Variants in HIRA observed in about 807,000 individuals in gnomAD.
The protein encoded by HIRA is protein HIRA.
A neutral mutation model predicts 126.6 loss-of-function variants in HIRA; 13 were observed. The ratio of observed to expected loss-of-function variants is 0.10; its 90% confidence interval spans 0.07 to 0.16. The LOEUF (loss-of-function observed/expected upper bound fraction) is 0.16. Among genes scored for constraint, HIRA ranks in the 10% least tolerant of loss-of-function variants. The pLI is 1.00. For synonymous variants in HIRA, 511 were observed against 520.0 expected (o/e 0.98, Z 0.24); for missense variants, 834 against 1,314.4 (o/e 0.63, Z 5.65).
chr22:19,371,874 T>G (rs1165217060), intron 15 of HIRA, among the ~76,000 whole-genome samples: 1 of 152,280 alleles, frequency 6.6e-6, no homozygotes, highest in Non-Finnish European at 1.5e-5. Context: ...CATCACCTGA[T>G]GGACTTTTGG....
chr22:19,393,736 C>T (rs565742895), intron 8 of HIRA, among the ~76,000 whole-genome samples: 1 of 152,294 alleles, frequency 6.6e-6, no homozygotes, highest in South Asian at 2.1e-4. Context: ...CTTTTATCAA[C>T]CTTAGTCCAC....
intron 4 of HIRA, 113 bp from the exon 5 acceptor site, chr22:19,405,993 A>C: frequency 1.8e-6 from 1 of 552,636 alleles, no homozygotes; most frequent in Non-Finnish European, 2.9e-6. Context: ...AACAAACAAG[A>C]ACTGGAAAGC....
chr22:19,420,440 T>C (rs1277769929), intron 1 of HIRA, among the ~76,000 whole-genome samples: 2 of 92,664 alleles, frequency 2.2e-5, no homozygotes, highest in African/African-American at 1.5e-4. Context: ...CACTGCAGCC[T>C]GGGCAACAAA....
chr22:19,398,356 CCTG>C (rs1169791681), intron 5 of HIRA, among the ~76,000 whole-genome samples: 1 of 152,244 alleles, frequency 6.6e-6, no homozygotes, highest in Non-Finnish European at 1.5e-5. Flanking sequence ...TGCATGAGAG[CCTG>C]CTACTTCGTG....
chr22:19,357,142 G>T, intron 18 of HIRA, 91 bp from the exon 19 acceptor site: 1 of 1,464,212 alleles, frequency 6.8e-7, no homozygotes. Flanking sequence ...CCTCTGCCTG[G>T]GCCCAACAAG....
At chr22:19,361,612 C>T (rs1213852595) in intron 16 of HIRA, 115 bp downstream of exon 16, 1 of 1,028,888 alleles carries the variant, frequency 9.7e-7, no homozygotes, top group Non-Finnish European at 1.5e-6. Context: ...CATGTCTAAG[C>T]CAGCTGGTTC....
intron 2 of HIRA, among the ~76,000 whole-genome samples, 184 bp from the exon 3 acceptor site, chr22:19,408,777 G>T (rs2089327401): frequency 6.6e-6 from 1 of 152,166 alleles, no homozygotes; most frequent in South Asian, 2.1e-4. Flanking sequence ...GTACTCATGG[G>T]GACGAAACGG....
intron 4 of HIRA, among the ~76,000 whole-genome samples, chr22:19,406,127 A>G (rs745335784): frequency 1.3e-5 from 2 of 152,240 alleles, no homozygotes; most frequent in Non-Finnish European, 2.9e-5. Flanking sequence ...GAAGCAGGCC[A>G]CAGGACATCA....
rs768640788 is a variant in HIRA at position 19,422,998 on chromosome 22, C to T, written c.37+8442G>A. On this transcript the variant is annotated intron_variant, in intron 1 of 24. Coordinates refer to ENST00000263208, the MANE Select transcript of HIRA (RefSeq NM_003325.4). ...ACAGAACTCCCAGCAGGGCTGGCTG[C>T]GGCTTTCTCTGTGCTTACATCATAG... Among the ~76,000 whole-genome samples the T allele has an allele frequency of 3.9e-5, 6 of 152,154 alleles. No homozygotes were observed. The East Asian group carries it at 5.8e-4, about 15-fold the overall frequency.
At position 19,375,682 on chromosome 22, in the gene HIRA, G is replaced by A; in HGVS notation, c.1724C>T (p.Ala575Val). The stretch of plus-strand genomic sequence containing the variant: ...GGTCAGGGCAGGAGCACCTGGTGTG[G>A]CTTTGGACCGCTCTGTGAACCGGGA... ...FDSRFTERSK[A>V]TPGAPALTSM... Residue 575 changes from alanine to valine, a missense_variant, in exon 15 of 25, where the codon GCC becomes GTC. Ala to Val is a moderately conservative substitution (Grantham distance 64). Coordinates refer to ENST00000263208, the MANE Select transcript of HIRA (RefSeq NM_003325.4). 1.2e-6 allele frequency: 2 copies of A among 1,614,206 alleles called. No individual in the cohort carries two copies. The highest frequency in any genetic ancestry group is 1.7e-6 in the Non-Finnish European group (2 of 1,180,050).
At chr22:19,363,866 G>A (rs187344252) in intron 15 of HIRA, among the ~76,000 whole-genome samples, 88 of 152,176 alleles carry the variant, frequency 5.8e-4, no homozygotes, top group African/African-American at 1.5e-3. Flanking sequence ...CTGTGCCACC[G>A]CACTCCAGCC....
intron 11 of HIRA, among the ~76,000 whole-genome samples, chr22:19,386,880 G>A (rs1389174723): frequency 6.6e-6 from 1 of 152,224 alleles, no homozygotes; most frequent in Non-Finnish European, 1.5e-5. Context: ...TAGTCATTAA[G>A]GCAGACCTCT....
intron 23 of HIRA, among the ~76,000 whole-genome samples, chr22:19,352,728 A>C (rs986367813): frequency 2.0e-5 from 3 of 152,180 alleles, no homozygotes; most frequent in Admixed American, 1.3e-4. Flanking sequence ...ATAAAGCAAA[A>C]AGCCCAGGAA....
At chr22:19,367,313 G>A (rs969525712) in intron 15 of HIRA, among the ~76,000 whole-genome samples, 7 of 151,636 alleles carry the variant, frequency 4.6e-5, no homozygotes, top group African/African-American at 1.5e-4. Flanking sequence ...CTCAAGTCCC[G>A]TATATAAAAT....
intron 2 of HIRA, 125 bp from the exon 3 acceptor site, chr22:19,408,718 A>G: frequency 5.1e-6 from 3 of 589,656 alleles, no homozygotes; most frequent in Non-Finnish European, 9.1e-6. Flanking sequence ...AACTAGATCT[A>G]AGGAGACTGA....
At chr22:19,412,469 C>T (rs1196031545) in intron 1 of HIRA, among the ~76,000 whole-genome samples, 1 of 152,168 alleles carries the variant, frequency 6.6e-6, no homozygotes, top group Non-Finnish European at 1.5e-5. Flanking sequence ...ACCAAAATGC[C>T]AATTCATTTG....
chr22:19,347,674 C>G (rs1275686120), intron 24 of HIRA, among the ~76,000 whole-genome samples: 3 of 152,004 alleles, frequency 2.0e-5, no homozygotes, highest in African/African-American at 7.2e-5. Context: ...AGCGGTGGCT[C>G]ATGTCTATAA....
intron 1 of HIRA, among the ~76,000 whole-genome samples, chr22:19,429,385 C>T (rs1285717777): frequency 6.6e-6 from 1 of 152,146 alleles, no homozygotes; most frequent in Non-Finnish European, 1.5e-5. Flanking sequence ...ATCCACCTGC[C>T]TCAGCCTCCC....
chr22:19,360,512 T>A (rs1025480879), intron 17 of HIRA, among the ~76,000 whole-genome samples: 1 of 152,152 alleles, frequency 6.6e-6, no homozygotes, highest in South Asian at 2.1e-4. Context: ...TGACGCCTGC[T>A]CTCTGGTGCC....
Sources: gnomAD v4.1 joint callset for allele counts (sites outside exome capture counted in the v4.1 genomes callset) on GRCh38, gnomAD v4.1.1 for gene constraint, MANE v1.5 for transcripts, NCBI Gene and HGNC (gene_info 2026-07-23, HGNC 2026-07-21) for gene names.